The following TBC1D22A variants were observed in gnomAD, a reference collection of about 807,000 sequenced individuals.
TBC1D22A encodes putative GTPase activator.
A neutral mutation model predicts 60.2 loss-of-function variants in TBC1D22A; 38 were observed. The observed-to-expected ratio is 0.63, with a 90% CI of 0.49 to 0.83. TBC1D22A has a LOEUF of 0.83. Ranked by LOEUF, TBC1D22A falls within the 40% of genes least tolerant of loss-of-function variation. The pLI is 0.00. For missense variants in TBC1D22A, 628 were observed against 701.0 expected (o/e 0.90, Z 1.18); for synonymous variants, 302 against 281.7 (o/e 1.07, Z -0.72).
intron 11 of TBC1D22A, among the ~76,000 whole-genome samples, chr22:47,048,227 T>C (rs2063093077): frequency 6.6e-6 from 1 of 151,998 alleles, no homozygotes; most frequent in South Asian, 2.1e-4. Context: ...GAGGTGTGGT[T>C]TTGGGGTTTC....
chr22:46,889,336 A>G (rs1001492842), intron 5 of TBC1D22A, among the ~76,000 whole-genome samples: 2 of 152,168 alleles, frequency 1.3e-5, no homozygotes, highest in Admixed American at 6.5e-5. Context: ...ACCACACCCA[A>G]CTGCATGGCT....
At chr22:47,141,252 T>C (rs1180288004) in intron 12 of TBC1D22A, among the ~76,000 whole-genome samples, 1 of 152,056 alleles carries the variant, frequency 6.6e-6, no homozygotes, top group Non-Finnish European at 1.5e-5. Context: ...GCCCCTCCCA[T>C]GACATGTGGG....
At chr22:46,888,415 G>A (rs543788158) in intron 5 of TBC1D22A, among the ~76,000 whole-genome samples, 2 of 152,360 alleles carry the variant, frequency 1.3e-5, no homozygotes, top group South Asian at 2.1e-4. Context: ...AAGGCTAAAA[G>A]TGCCATCCGG....
chr22:46,845,782 T>C (rs2086962437), intron 4 of TBC1D22A, among the ~76,000 whole-genome samples: 1 of 152,240 alleles, frequency 6.6e-6, no homozygotes, highest in South Asian at 2.1e-4. Context: ...AATATTAGGC[T>C]CTTTTATTTG....
intron 11 of TBC1D22A, among the ~76,000 whole-genome samples, chr22:47,091,439 G>T (rs915296312): frequency 6.7e-6 from 1 of 150,220 alleles, no homozygotes; most frequent in Non-Finnish European, 1.5e-5. Context: ...GGGGGTGGCT[G>T]CGTGTTGATA....
At chr22:46,934,139 C>A (rs559755165) in intron 8 of TBC1D22A, among the ~76,000 whole-genome samples, 1 of 152,294 alleles carries the variant, frequency 6.6e-6, no homozygotes, top group East Asian at 1.9e-4. Context: ...CTTTTTATTT[C>A]TCATGATCCA....
At chr22:46,801,418 C>T (rs1396475527) in intron 4 of TBC1D22A, among the ~76,000 whole-genome samples, 2 of 152,234 alleles carry the variant, frequency 1.3e-5, no homozygotes, top group Non-Finnish European at 2.9e-5. Context: ...ATCATTCTGT[C>T]CAGCGGAGTG....
intron 12 of TBC1D22A, among the ~76,000 whole-genome samples, chr22:47,132,615 C>G (rs561532016): frequency 5.3e-5 from 8 of 152,354 alleles, no homozygotes; most frequent in Non-Finnish European, 7.3e-5. Context: ...CTCCCCAGTG[C>G]GAGTGGCCTT....
chr22:47,052,530 G>C (rs1409100089), intron 11 of TBC1D22A, among the ~76,000 whole-genome samples: 1 of 152,162 alleles, frequency 6.6e-6, no homozygotes, highest in Non-Finnish European at 1.5e-5. Context: ...CTCCCACAGT[G>C]GGGAGGGGAC....
At chr22:46,766,076 C>T (rs1601770876) in intron 1 of TBC1D22A, among the ~76,000 whole-genome samples, 1 of 151,914 alleles carries the variant, frequency 6.6e-6, no homozygotes, top group South Asian at 2.1e-4. Flanking sequence ...CGGCTCACTG[C>T]AAGCTCCGCC....
intron 8 of TBC1D22A, among the ~76,000 whole-genome samples, chr22:46,936,903 T>G (rs1034749732): frequency 6.6e-6 from 1 of 152,132 alleles, no homozygotes; most frequent in Non-Finnish European, 1.5e-5. Context: ...ATGAGACTAG[T>G]CTTGGGGACT....
intron 8 of TBC1D22A, chr22:46,913,649 A>C (rs2070128588): frequency 1.0e-6 from 1 of 985,276 alleles, no homozygotes; most frequent in Non-Finnish European, 1.2e-6. Context: ...GCTCTTAATG[A>C]TCCTAGAACA....
intron 4 of TBC1D22A, among the ~76,000 whole-genome samples, chr22:46,830,220 A>C (rs139597): frequency 6.6e-6 from 1 of 152,150 alleles, no homozygotes; most frequent in South Asian, 2.1e-4. Flanking sequence ...GCAGGCTGGC[A>C]TGGTGGATGG....
At chr22:47,081,120 C>CAAAAAA (rs34794967) in intron 11 of TBC1D22A, among the ~76,000 whole-genome samples, 2 of 83,748 alleles carry the variant, frequency 2.4e-5, no homozygotes, top group Admixed American at 1.3e-4. Flanking sequence ...AACTCCGTCT[C>CAAAAAA]AAAAAAAAAA....
intron 1 of TBC1D22A, among the ~76,000 whole-genome samples, chr22:46,766,170 T>G (rs538231184): frequency 6.6e-6 from 1 of 151,962 alleles, no homozygotes; most frequent in Non-Finnish European, 1.5e-5. Context: ...GCTAATTTTT[T>G]ATATTTTTGG....
At position 46,797,447 on chromosome 22, in the gene TBC1D22A, G is replaced by C; in HGVS notation, c.464G>C (p.Ser155Thr). ...CCCCATTCTCTCACCCCTGCAGAAA[G>C]TGCCAGCGATGCCGCCCCTCTGCAG... ...SESHTSCPAESASDAAPLQRS... is the reference protein window; with the variant it reads ...SESHTSCPAETASDAAPLQRS... The change falls in exon 4 of 13, where the codon AGT (serine) becomes ACT (threonine). Residue 155 changes from serine to threonine, a missense_variant. Transcript: ENST00000337137. The C allele has an allele frequency of 2.5e-6, 4 of 1,612,696 alleles. No individual in the cohort carries two copies. The highest frequency in any genetic ancestry group is 3.4e-6 in the Non-Finnish European group (4 of 1,180,012).
At chr22:46,941,206 T>TTTACACAC (rs1344691145) in intron 8 of TBC1D22A, among the ~76,000 whole-genome samples, 1 of 55,786 alleles carries the variant, frequency 1.8e-5, no homozygotes, top group African/African-American at 9.0e-5. Flanking sequence ...TGTATATATG[T>TTTACACAC]ATACACACAC....
chr22:46,869,357 G>T (rs187492865), intron 4 of TBC1D22A, among the ~76,000 whole-genome samples: 5 of 152,292 alleles, frequency 3.3e-5, no homozygotes, highest in African/African-American at 1.2e-4. Context: ...GATTTCACTG[G>T]CTAGATTTCT....
chr22:47,010,197 A>G (rs1220182555), intron 10 of TBC1D22A, among the ~76,000 whole-genome samples: 1 of 152,232 alleles, frequency 6.6e-6, no homozygotes, highest in Non-Finnish European at 1.5e-5. Context: ...GATAGAATTC[A>G]GTTACAGCTA....
Sources: gnomAD v4.1 joint callset for allele counts (sites outside exome capture counted in the v4.1 genomes callset) on GRCh38, gnomAD v4.1.1 for gene constraint, MANE v1.5 for transcripts, NCBI Gene and HGNC (gene_info 2026-07-23, HGNC 2026-07-21) for gene names.